Variants in ZDHHC11 observed in about 807,000 individuals in gnomAD.
The protein encoded by ZDHHC11 is palmitoyltransferase ZDHHC11.
ZDHHC11 carries 44 observed loss-of-function variants against 51.3 expected under a neutral mutation model. The ratio of observed to expected loss-of-function variants is 0.86; its 90% confidence interval spans 0.67 to 1.10. The LOEUF (loss-of-function observed/expected upper bound fraction) is 1.10. Ranked by LOEUF, ZDHHC11 falls within the 50% of genes least tolerant of loss-of-function variation. The pLI is 0.00. For synonymous variants in ZDHHC11, 163 were observed against 222.0 expected, an observed-to-expected ratio of 0.73 and a Z score of 2.36; for missense variants, 400 against 537.7, an observed-to-expected ratio of 0.74 and a Z score of 2.53.
chr5:815,131 T>C (rs1740610116), intron 10 of ZDHHC11, among the ~76,000 whole-genome samples: 1 of 151,388 alleles, frequency 6.6e-6, no homozygotes, highest in African/African-American at 2.4e-5. Context: ...ACTGGTGTCC[T>C]TTTATGAAGG....
At chr5:843,830 CA>C (rs1483608533) in intron 3 of ZDHHC11, 106 bp from the exon 4 acceptor site, 13 of 49,176 alleles carry the variant, frequency 2.6e-4, no homozygotes, top group African/African-American at 7.5e-4. Context: ...ACGGGGTGGG[CA>C]GGGGCGGGCG....
At chr5:821,176 C>T (rs1341532539) in intron 9 of ZDHHC11, 1 of 151,514 alleles carries the variant, frequency 6.6e-6, no homozygotes, top group South Asian at 2.1e-4. Flanking sequence ...TGCTGCTCCC[C>T]CCGGGGCAGG....
intron 10 of ZDHHC11, among the ~76,000 whole-genome samples, chr5:818,103 C>T (rs1287834731): frequency 3.3e-5 from 5 of 151,430 alleles, no homozygotes; most frequent in East Asian, 1.9e-4. Context: ...TGATGCTGAG[C>T]GGATCTTCTC....
In ZDHHC11 at chr5:816,028, T is replaced by C. The variant is rs879554202; in HGVS notation, c.1147-1233A>G. ...GTTGAGCAGCTTTTCATGTGCTTTGTCGTTCATATTATTGCCTTGTGGAAG... is the reference window on the plus strand; with the variant it reads ...GTTGAGCAGCTTTTCATGTGCTTTGCCGTTCATATTATTGCCTTGTGGAAG... On this transcript the variant is annotated intron_variant, in intron 10 of 12. Coordinates refer to ENST00000283441, the MANE Select transcript of ZDHHC11 (RefSeq NM_024786.3). Among the ~76,000 whole-genome samples the C allele has an allele frequency of 2.8e-4, 43 of 151,706 alleles. 1 individual carries two copies. Among genetic ancestry groups the C allele is most frequent in the Non-Finnish European group, 2.4e-4 (16 of 67,750 alleles).
intron 8 of ZDHHC11, 91 bp from the exon 9 acceptor site, chr5:821,986 A>C (rs1175370362): frequency 1.7e-6 from 2 of 1,207,846 alleles, no homozygotes; most frequent in South Asian, 2.8e-5. Flanking sequence ...CAGTTCTGAC[A>C]GTCACTTCTG....
rs538459885 is a variant in ZDHHC11 at position 813,425 on chromosome 5, G to C, written c.1181+1336C>G. ...GCTGGGTGCACTCATCTGTGAGGGG[G>C]AGACCGGGAGGCATGCGGTGACCTC... On this transcript the variant is annotated intron_variant, in intron 11 of 12. Coordinates refer to ENST00000283441, the MANE Select transcript of ZDHHC11 (RefSeq NM_024786.3). 1.4e-5 allele frequency among the ~76,000 whole-genome samples: 2 copies of C among 142,856 alleles called. 1 individual carries two copies. The allele number at this position is 142,856 out of a possible 152,430, so 93.7% of individuals were successfully genotyped here. A position where few individuals can be genotyped will look rare whatever the true frequency, so the allele number is the denominator to read the frequency against.
chr5:829,355 A>G (rs1445898521), intron 7 of ZDHHC11, among the ~76,000 whole-genome samples: 1 of 152,042 alleles, frequency 6.6e-6, no homozygotes, highest in East Asian at 1.9e-4. Flanking sequence ...AAGATCATTT[A>G]AGGCCAATAT....
chr5:825,446 T>C (rs7727650), intron 7 of ZDHHC11, among the ~76,000 whole-genome samples, 195 bp from the exon 8 acceptor site: 21,018 of 143,482 alleles, frequency 0.15, 543 homozygotes, highest in African/African-American at 0.4. Context: ...GTAAGAAGCT[T>C]CTCGTGTAAA....
chr5:855,763 C>CAGCGGG (rs1560871906), upstream of ZDHHC11, among the ~76,000 whole-genome samples: 1 of 148,228 alleles, frequency 6.7e-6, no homozygotes. Context: ...GGACAGCGAG[C>CAGCGGG]GAGGGTTACA....
rs1747079249 is a variant in ZDHHC11 at position 850,735 on chromosome 5, G to C, written c.-133C>G. 1 of 1,118,888 alleles carries C rather than the reference G, an allele frequency of 8.9e-7. No individual in the cohort carries two copies. The highest frequency in any genetic ancestry group is 2.4e-5 in the Admixed American group (1 of 40,868). 69.3% of individuals were successfully genotyped at this position (1,118,888 alleles called of 1,614,324 possible). A position where few individuals can be genotyped will look rare whatever the true frequency, so the allele number is the denominator to read the frequency against. The stretch of plus-strand genomic sequence containing the variant: ...CACTGACAGCCAATGGCCCAGCACT[G>C]CCTGGGGCCACGTTCCCCGCAGAGG... On this transcript the variant is annotated 5_prime_UTR_variant, in exon 1 of 13. Coordinates refer to ENST00000283441, the MANE Select transcript of ZDHHC11 (RefSeq NM_024786.3).
chr5:860,173 G>T (rs1748718758), upstream of ZDHHC11, among the ~76,000 whole-genome samples: 1 of 152,210 alleles, frequency 6.6e-6, no homozygotes, highest in Non-Finnish European at 1.5e-5. This position sits in a 1 kb window ranked among gnomAD's most constrained non-coding sequence, Gnocchi z 4.2. Flanking sequence ...ACGACATGGG[G>T]GGAAGGGGCA....
chr5:851,040 G>C (rs992464736), upstream of ZDHHC11: 1 of 218,032 alleles, frequency 4.6e-6, no homozygotes, highest in Non-Finnish European at 9.1e-6. Context: ...ACCCACGTCA[G>C]AAAGAGGCCA....
chr5:811,754 CAA>C (rs1193147363), intron 11 of ZDHHC11, among the ~76,000 whole-genome samples: 1 of 150,826 alleles, frequency 6.6e-6, no homozygotes, highest in Non-Finnish European at 1.5e-5. Context: ...GGAACCGAAA[CAA>C]AATGTATTTT....
chr5:830,660 AC>A (rs1742941048), intron 7 of ZDHHC11, among the ~76,000 whole-genome samples: 1 of 132,190 alleles, frequency 7.6e-6, no homozygotes, highest in Non-Finnish European at 1.6e-5. Flanking sequence ...ACCAAAAAAG[AC>A]CCCAGATAGC....
chr5:858,382 A>AGGCCCCTAG (rs201537190), intron 1 of ZDHHC11, among the ~76,000 whole-genome samples: 7 of 134,546 alleles, frequency 5.2e-5, no homozygotes, highest in Non-Finnish European at 8.1e-5. Context: ...GTGGTCCCCC[A>AGGCCCCTAG]AGTCTGTCCA....
chr5:854,706 A>T (rs570090090), upstream of ZDHHC11, among the ~76,000 whole-genome samples: 295 of 141,680 alleles, frequency 2.1e-3, 1 homozygote, highest in Non-Finnish European at 2.9e-3. Context: ...AGCCGGGGGG[A>T]CAGACCGCAC....
In ZDHHC11 at chr5:796,107, A is replaced by AGACCCCATTTCCCAGTACTGTGC. The variant is rs1737538606; in HGVS notation, c.*480_*481insGCACAGTACTGGGAAATGGGGTC. ...TGTGCTCCCATTTTGCAGTGCTGTG[A>AGACCCCATTTCCCAGTACTGTGC]GCCCCCATTTCCCAGTACTGTGCTC... On this transcript the variant is annotated 3_prime_UTR_variant, in exon 13 of 13. Coordinates refer to ENST00000283441, the MANE Select transcript of ZDHHC11 (RefSeq NM_024786.3). 1 of 129,668 alleles carries AGACCCCATTTCCCAGTACTGTGC rather than the reference A, an allele frequency of 7.7e-6. No homozygotes were observed. 8.0% of individuals were successfully genotyped at this position (129,668 alleles called of 1,614,324 possible). A position where few individuals can be genotyped will look rare whatever the true frequency, so the allele number is the denominator to read the frequency against.
chr5:836,260 T>C (rs1319905715), intron 6 of ZDHHC11, among the ~76,000 whole-genome samples: 1 of 150,332 alleles, frequency 6.7e-6, no homozygotes, highest in Admixed American at 6.6e-5. Context: ...TTTTCTGCAT[T>C]GATTGGCATG....
intron 6 of ZDHHC11, among the ~76,000 whole-genome samples, chr5:835,670 T>A (rs1743728175): frequency 6.6e-6 from 1 of 152,054 alleles, no homozygotes; most frequent in African/African-American, 2.4e-5. Context: ...TTGTGGTAAA[T>A]CTGTAGATAA....
Sources: allele counts gnomAD v4.1 joint callset (sites outside exome capture counted in the v4.1 genomes callset), GRCh38; gene constraint gnomAD v4.1.1; non-coding constraint Gnocchi (gnomAD v3.1); transcripts MANE v1.5; gene names NCBI Gene and HGNC (gene_info 2026-07-23, HGNC 2026-07-21).